The following HPSE2 variants were observed in gnomAD, a reference collection of about 807,000 sequenced individuals.
HPSE2 encodes the protein inactive heparanase-2.
HPSE2 carries 38 observed loss-of-function variants against 60.5 expected under a neutral mutation model. That is an observed-to-expected ratio of 0.63 (90% CI 0.48 to 0.82). HPSE2 has a LOEUF of 0.82. Ranked by LOEUF, HPSE2 falls within the 40% of genes least tolerant of loss-of-function variation. The pLI, the probability that HPSE2 is intolerant of heterozygous loss-of-function variation, is 0.00. For missense variants in HPSE2, 713 were observed against 740.4 expected (o/e 0.96, Z 0.43); for synonymous variants, 295 against 293.2 (o/e 1.01, Z -0.06).
chr10:99,247,593 G>A, the HPSE2 span, among the ~76,000 whole-genome samples: 1 of 152,332 alleles, frequency 6.6e-6, no homozygotes, highest in Middle Eastern at 3.4e-3. Flanking sequence ...AAAAGACACA[G>A]AGTGGTGATT....
At chr10:98,815,750 T>C (rs1487630512) in intron 3 of HPSE2, among the ~76,000 whole-genome samples, 1 of 152,162 alleles carries the variant, frequency 6.6e-6, no homozygotes, top group African/African-American at 2.4e-5. Context: ...GTTTGTGTTG[T>C]GCTAACTTGG....
chr10:98,646,453 C>A (rs564890985), intron 6 of HPSE2, among the ~76,000 whole-genome samples: 4 of 151,902 alleles, frequency 2.6e-5, no homozygotes, highest in Non-Finnish European at 4.4e-5. Context: ...CACAAGTCGT[C>A]GAGCTGTTCC....
chr10:98,523,099 T>G (rs965252794), intron 9 of HPSE2, among the ~76,000 whole-genome samples: 24 of 139,578 alleles, frequency 1.7e-4, no homozygotes, highest in Non-Finnish European at 1.9e-4. Context: ...ATTGGAAAGG[T>G]TTTGTTTTGT....
chr10:99,032,051 A>G (rs1354395757), intron 3 of HPSE2, among the ~76,000 whole-genome samples: 1 of 152,204 alleles, frequency 6.6e-6, no homozygotes, highest in Non-Finnish European at 1.5e-5. Flanking sequence ...ATCACACCAC[A>G]TATATCTCGC....
intron 6 of HPSE2, among the ~76,000 whole-genome samples, chr10:98,648,685 A>C (rs1387854002): frequency 6.6e-6 from 1 of 152,078 alleles, no homozygotes; most frequent in East Asian, 1.9e-4. Flanking sequence ...ATTCGAGGTT[A>C]CAGTGAGCTA....
intron 3 of HPSE2, among the ~76,000 whole-genome samples, chr10:99,077,437 T>C (rs188766175): frequency 5.2e-4 from 79 of 152,290 alleles, no homozygotes; most frequent in Admixed American, 3.8e-3. Flanking sequence ...TCTGACTGAA[T>C]AATTTCTGGT....
At position 98,486,419 on chromosome 10, in the gene HPSE2, A is replaced by G. The variant is rs373390824; in HGVS notation, c.1466+3632T>C. On this transcript the variant is annotated intron_variant, in intron 10 of 11. Coordinates refer to ENST00000370552, the MANE Select transcript of HPSE2 (RefSeq NM_021828.5). ...CTGAGAGGACCATCTATCTTGCCCC[A>G]TGTCTCACTCATGGGTGAGATTTTT... 5.3e-5 allele frequency among the ~76,000 whole-genome samples: 8 copies of G among 152,094 alleles called. No homozygotes were observed. The East Asian group carries it at 7.7e-4, about 15-fold the overall frequency.
intron 4 of HPSE2, 138 bp downstream of exon 4, chr10:98,743,745 T>G (rs1949558240): frequency 1.3e-6 from 1 of 760,740 alleles, no homozygotes; most frequent in Non-Finnish European, 2.3e-6. Flanking sequence ...ACCATTTGGA[T>G]AGTCAACTCA....
intron 3 of HPSE2, among the ~76,000 whole-genome samples, chr10:98,905,255 A>AC (rs1953780011): frequency 6.6e-6 from 1 of 151,092 alleles, no homozygotes; most frequent in South Asian, 2.1e-4. Flanking sequence ...GGTGTGCTGC[A>AC]CCCCCTAACT....
chr10:98,473,222 T>G (rs1262721418), intron 11 of HPSE2, among the ~76,000 whole-genome samples: 1 of 152,062 alleles, frequency 6.6e-6, no homozygotes, highest in Admixed American at 6.6e-5. Flanking sequence ...CGGTGGCTCA[T>G]GTCTATAGTC....
At chr10:98,524,064 G>A (rs573787211) in intron 9 of HPSE2, among the ~76,000 whole-genome samples, 13 of 152,130 alleles carry the variant, frequency 8.5e-5, no homozygotes, top group Non-Finnish European at 1.8e-4. Flanking sequence ...CAGTCCCAGG[G>A]TCAACCTCAA....
chr10:98,728,564 G>A lies in HPSE2; in HGVS notation c.785-6736C>T, dbSNP rs187939860. On this transcript the variant is annotated intron_variant, in intron 4 of 11. Coordinates refer to ENST00000370552, the MANE Select transcript of HPSE2 (RefSeq NM_021828.5). ...ACCTGGGAGGCAGAGGTTGCAGTAA[G>A]CCAAGATCACACCATTGCACTCCAG... is the stretch of plus-strand genomic sequence containing the variant. Among the ~76,000 whole-genome samples the A allele has an allele frequency of 1.1e-3, 169 of 152,266 alleles. 2 individuals are homozygous for A. The highest frequency in any genetic ancestry group is 3.8e-3 in the African/African-American group (157 of 41,540).
intron 6 of HPSE2, among the ~76,000 whole-genome samples, chr10:98,650,006 T>G (rs886452724): frequency 1.3e-5 from 2 of 152,226 alleles, no homozygotes; most frequent in African/African-American, 4.8e-5. Context: ...AGTGCTGAGC[T>G]GTTGCCAAGA....
chr10:98,668,744 AAACTC>A (rs1253849962), intron 6 of HPSE2, among the ~76,000 whole-genome samples: 1 of 152,166 alleles, frequency 6.6e-6, no homozygotes, highest in Admixed American at 6.6e-5. Context: ...ACCATATACA[AAACTC>A]AACTCAAGAT....
intron 3 of HPSE2, among the ~76,000 whole-genome samples, chr10:99,004,740 T>G (rs1395774432): frequency 1.3e-5 from 2 of 152,196 alleles, no homozygotes; most frequent in African/African-American, 4.8e-5. Flanking sequence ...CTAGTGAGTT[T>G]TATACCTTCA....
At chr10:99,022,532 C>T (rs1000043451) in intron 3 of HPSE2, among the ~76,000 whole-genome samples, 2 of 152,090 alleles carry the variant, frequency 1.3e-5, no homozygotes, top group Admixed American at 1.3e-4. Context: ...CAAGGAAGTG[C>T]TTGCACGACT....
chr10:98,999,898 G>A (rs1589493359), intron 3 of HPSE2, among the ~76,000 whole-genome samples: 1 of 152,002 alleles, frequency 6.6e-6, no homozygotes, highest in East Asian at 1.9e-4. Context: ...TTTTGAATTC[G>A]CTTTTAAGAA....
chr10:98,919,734 C>T (rs1275897825), intron 3 of HPSE2, among the ~76,000 whole-genome samples: 1 of 151,926 alleles, frequency 6.6e-6, no homozygotes, highest in Non-Finnish European at 1.5e-5. Flanking sequence ...TACCAAGTGG[C>T]AAAGTTTTAA....
At chr10:99,140,952 G>A (rs538709288) in intron 3 of HPSE2, among the ~76,000 whole-genome samples, 55 of 152,250 alleles carry the variant, frequency 3.6e-4, no homozygotes, top group African/African-American at 1.2e-3. Context: ...CAGAAGAATC[G>A]CTTGAACCCA....
Sources: allele counts gnomAD v4.1 joint callset (sites outside exome capture counted in the v4.1 genomes callset), GRCh38; gene constraint gnomAD v4.1.1; transcripts MANE v1.5; gene names NCBI Gene and HGNC (gene_info 2026-07-23, HGNC 2026-07-21).